Variants in CBFA2T2 observed in about 807,000 individuals in gnomAD.
CBFA2T2 encodes the protein protein CBFA2T2.
A neutral mutation model predicts 62.2 loss-of-function variants in CBFA2T2; 11 were observed. That is an observed-to-expected ratio of 0.18 (90% CI 0.11 to 0.29). The LOEUF is 0.29. Among genes scored for constraint, CBFA2T2 ranks in the 10% least tolerant of loss-of-function variants. CBFA2T2 has a pLI of 1.00. For synonymous variants in CBFA2T2, 295 were observed against 287.5 expected, an observed-to-expected ratio of 1.03 and a Z score of -0.27; for missense variants, 592 against 774.1, an observed-to-expected ratio of 0.76 and a Z score of 2.79.
chr20:33,551,830 C>A (rs1243845777), intron 1 of CBFA2T2, among the ~76,000 whole-genome samples: 1 of 152,208 alleles, frequency 6.6e-6, no homozygotes, highest in East Asian at 1.9e-4. Flanking sequence ...CTTCTCCTGG[C>A]CTGTTCCATC....
intron 1 of CBFA2T2, among the ~76,000 whole-genome samples, chr20:33,590,556 A>T (rs1350594269): frequency 2.0e-5 from 3 of 152,198 alleles, no homozygotes; most frequent in Admixed American, 6.5e-5. Flanking sequence ...ACTCTTACCA[A>T]CTGATGGTGA....
In CBFA2T2 at chr20:33,541,247, G is replaced by A. The variant is rs73904714; in HGVS notation, c.34+50946G>A. ...AAAGGTGGTTGTCATGTAGTCCAGA[G>A]GTCAAGGGTCAAGTGATTAGAAGCA... On this transcript the variant is annotated intron_variant, in intron 1 of 10. Transcript: ENST00000342704. Among the ~76,000 whole-genome samples, 871 of 152,308 alleles carry A rather than the reference G, an allele frequency of 5.7e-3. 10 individuals are homozygous for A. The highest frequency in any genetic ancestry group is 0.02 in the African/African-American group (823 of 41,566).
At chr20:33,634,535 G>T (rs2016561066) in intron 8 of CBFA2T2, among the ~76,000 whole-genome samples, 1 of 152,004 alleles carries the variant, frequency 6.6e-6, no homozygotes, top group South Asian at 2.1e-4. Context: ...AGCTGATTGT[G>T]GTGGTATGTG....
chr20:33,608,025 A>G (rs1257863152), intron 2 of CBFA2T2, among the ~76,000 whole-genome samples: 1 of 152,240 alleles, frequency 6.6e-6, no homozygotes, highest in African/African-American at 2.4e-5. Flanking sequence ...CAACTTGAAC[A>G]CTCATACAAT....
chr20:33,496,602 T>C (rs1335243838), intron 1 of CBFA2T2, among the ~76,000 whole-genome samples: 2 of 152,204 alleles, frequency 1.3e-5, no homozygotes, highest in Admixed American at 1.3e-4. Context: ...TGACCATATT[T>C]ACTAGTGAAA....
Position 33,642,109 on chromosome 20 carries a change from T to TG in CBFA2T2, c.1488+1578_1488+1579insG, listed in dbSNP as rs1568875052. ...CGTTCTCTCCTCCTCCTTTGTCTTTTTTTTTTTTGTGTGTGTGTGTGTGTG... is the reference window on the plus strand; with the variant it reads ...CGTTCTCTCCTCCTCCTTTGTCTTTTGTTTTTTTTGTGTGTGTGTGTGTGTG... On this transcript the variant is annotated intron_variant, in intron 10 of 10. Coordinates refer to ENST00000342704, the MANE Select transcript of CBFA2T2 (RefSeq NM_001032999.3). Among the ~76,000 whole-genome samples the TG allele has an allele frequency of 3.2e-4, 13 of 40,208 alleles. No individual in the cohort carries two copies. The East Asian group carries it at 4.7e-3, about 15-fold the overall frequency. The allele number at this position is 40,208 out of a possible 152,430, so 26.4% of individuals were successfully genotyped here.
At chr20:33,494,703 A>G (rs1426454425) in intron 1 of CBFA2T2, among the ~76,000 whole-genome samples, 1 of 151,982 alleles carries the variant, frequency 6.6e-6, no homozygotes, top group African/African-American at 2.4e-5. Flanking sequence ...GGTTCAAGCG[A>G]TTCTCCTGCC....
intron 1 of CBFA2T2, among the ~76,000 whole-genome samples, chr20:33,569,131 A>G (rs1334105280): frequency 1.3e-5 from 2 of 152,216 alleles, no homozygotes; most frequent in South Asian, 2.1e-4. Context: ...CACACCCATA[A>G]TATTCAAGCA....
At chr20:33,502,527 C>G (rs2011308578) in intron 1 of CBFA2T2, among the ~76,000 whole-genome samples, 1 of 151,852 alleles carries the variant, frequency 6.6e-6, no homozygotes, top group African/African-American at 2.4e-5. Flanking sequence ...CCTCAGCCTT[C>G]CGAGTAGCTG....
At chr20:33,536,829 T>G (rs1237836735) in intron 1 of CBFA2T2, among the ~76,000 whole-genome samples, 1 of 141,058 alleles carries the variant, frequency 7.1e-6, no homozygotes, top group African/African-American at 2.7e-5. Flanking sequence ...GAAGAGGCGC[T>G]CCTCACTTCC....
At chr20:33,628,488 A>G (rs2016333698) in intron 7 of CBFA2T2, 53 bp downstream of exon 7, 1 of 1,266,574 alleles carries the variant, frequency 7.9e-7, no homozygotes, top group South Asian at 1.2e-5. Flanking sequence ...TTTTTTTTGA[A>G]ACAGGAGTCT....
rs142607035 is a variant in CBFA2T2 at position 33,568,893 on chromosome 20, T to C, written c.35-38063T>C. Among the ~76,000 whole-genome samples the C allele has an allele frequency of 6.2e-4, 94 of 152,316 alleles. No individual in the cohort carries two copies. In the East Asian group the frequency reaches 0.017, roughly 28 times the overall value. ...ACCCCCAGTAGGCTGTATAGCTCAGTTGGCGCTACAACTGTGATGAACATT... is the reference window on the plus strand; with the variant it reads ...ACCCCCAGTAGGCTGTATAGCTCAGCTGGCGCTACAACTGTGATGAACATT... On this transcript the variant is annotated intron_variant, in intron 1 of 10. Coordinates refer to ENST00000342704, the MANE Select transcript of CBFA2T2 (RefSeq NM_001032999.3).
chr20:33,552,965 A>G (rs1384456032), intron 1 of CBFA2T2, among the ~76,000 whole-genome samples: 1 of 152,152 alleles, frequency 6.6e-6, no homozygotes, highest in Non-Finnish European at 1.5e-5. Context: ...ATCAGAGATT[A>G]TGTCTATATA....
chr20:33,561,578 T>C (rs879290475), intron 1 of CBFA2T2, among the ~76,000 whole-genome samples: 1 of 152,234 alleles, frequency 6.6e-6, no homozygotes, highest in Admixed American at 6.5e-5. Flanking sequence ...ATATGCTAGC[T>C]CTTTGAGGTA....
chr20:33,574,878 A>T (rs1297641412), intron 1 of CBFA2T2, among the ~76,000 whole-genome samples: 1 of 152,218 alleles, frequency 6.6e-6, no homozygotes, highest in Non-Finnish European at 1.5e-5. Flanking sequence ...CTTAAAACAG[A>T]TTTAAAATGA....
rs1491172150 is a variant in CBFA2T2 at position 33,643,859 on chromosome 20, G to GTGTA, written c.1489-487_1489-486insGTAT. Among the ~76,000 whole-genome samples the GTGTA allele has an allele frequency of 4.3e-3, 413 of 95,870 alleles. 21 individuals carry two copies. Among genetic ancestry groups the GTGTA allele is most frequent in the Middle Eastern group, 0.033 (5 of 152 alleles). The allele number at this position is 95,870 out of a possible 152,430, so 62.9% of individuals were successfully genotyped here. A position where few individuals can be genotyped will look rare whatever the true frequency, so the allele number is the denominator to read the frequency against. ...TGTGTGTGTGTGTGTGTGTGTGTGT[G>GTGTA]TATATAATGTATAATTACAAAAATT... On this transcript the variant is annotated intron_variant, in intron 10 of 10. Transcript: ENST00000342704.
chr20:33,584,340 A>G (rs2014267856), intron 1 of CBFA2T2, among the ~76,000 whole-genome samples: 1 of 147,996 alleles, frequency 6.8e-6, no homozygotes, highest in Admixed American at 6.9e-5. Context: ...ATCTTGGCTC[A>G]CTGCAAGCTC....
chr20:33,538,981 C>G (rs761262616), intron 1 of CBFA2T2, among the ~76,000 whole-genome samples: 1 of 152,092 alleles, frequency 6.6e-6, no homozygotes, highest in Non-Finnish European at 1.5e-5. Context: ...GAAGTTCCAA[C>G]TTATTTATTC....
intron 6 of CBFA2T2, among the ~76,000 whole-genome samples, chr20:33,626,536 C>T (rs2016234733): frequency 6.6e-6 from 1 of 152,128 alleles, no homozygotes; most frequent in South Asian, 2.1e-4. Flanking sequence ...GAAACCTTAA[C>T]AAACCTCTTC....
Sources: allele counts gnomAD v4.1 joint callset (sites outside exome capture counted in the v4.1 genomes callset), GRCh38; gene constraint gnomAD v4.1.1; transcripts MANE v1.5; gene names NCBI Gene and HGNC (gene_info 2026-07-23, HGNC 2026-07-21).